DLGAP1: variants seen among roughly 807,000 people sequenced by gnomAD.
The protein encoded by DLGAP1 is DLG associated protein 1, also known as disks large-associated protein 1.
In DLGAP1, 11 loss-of-function variants were observed where a neutral mutation model predicts 90.8. That is an observed-to-expected ratio of 0.12 (90% CI 0.08 to 0.20). DLGAP1 has a LOEUF of 0.20. Ranked by LOEUF, DLGAP1 falls within the 10% of genes least tolerant of loss-of-function variation. The pLI is 1.00. For missense variants in DLGAP1, 1,050 were observed against 1,333.8 expected (o/e 0.79, Z 3.31); for synonymous variants, 558 against 540.7 (o/e 1.03, Z -0.44).
chr18:3,705,575 A>T (rs72860427), intron 7 of DLGAP1, among the ~76,000 whole-genome samples: 22,195 of 151,534 alleles, frequency 0.15, 2,088 homozygotes, highest in East Asian at 0.42. Context: ...AGGGCCCAGG[A>T]CTTAAACACA....
chr18:4,091,671 T>C (rs2075774677), intron 2 of DLGAP1, among the ~76,000 whole-genome samples: 1 of 152,220 alleles, frequency 6.6e-6, no homozygotes, highest in African/African-American at 2.4e-5. Flanking sequence ...TCAAGGACAC[T>C]GTTCATGTTT....
intron 7 of DLGAP1, among the ~76,000 whole-genome samples, chr18:3,670,937 T>C (rs2060066230): frequency 6.6e-6 from 1 of 152,262 alleles, no homozygotes; most frequent in South Asian, 2.1e-4. Flanking sequence ...TGGCCCTTGA[T>C]TGAAACTGCT....
intron 3 of DLGAP1, among the ~76,000 whole-genome samples, chr18:3,935,088 C>A (rs1465995110): frequency 6.6e-6 from 1 of 152,208 alleles, no homozygotes; most frequent in East Asian, 1.9e-4. Context: ...ACTGGCCTGG[C>A]ATAGGCAAAT....
chr18:3,736,992 C>A (rs1243101959), intron 6 of DLGAP1, among the ~76,000 whole-genome samples: 8 of 148,792 alleles, frequency 5.4e-5, no homozygotes, highest in Non-Finnish European at 8.9e-5. Context: ...ACTACAAACA[C>A]CTCTACGCAA....
At chr18:4,216,226 A>G (rs2077951850) in intron 1 of DLGAP1, among the ~76,000 whole-genome samples, 1 of 151,772 alleles carries the variant, frequency 6.6e-6, no homozygotes, top group South Asian at 2.1e-4. Context: ...AGACCATCAG[A>G]TCTTGTGAGA....
At chr18:3,682,116 C>CAAAAAAAA (rs56914443) in intron 7 of DLGAP1, among the ~76,000 whole-genome samples, 10 of 111,944 alleles carry the variant, frequency 8.9e-5, no homozygotes, top group East Asian at 2.8e-4. Context: ...GACCCTGTCT[C>CAAAAAAAA]AAAAAAAAAA....
chr18:3,923,225 G>T (rs1163890213), intron 3 of DLGAP1, among the ~76,000 whole-genome samples: 1 of 151,398 alleles, frequency 6.6e-6, no homozygotes, highest in Non-Finnish European at 1.5e-5. Context: ...GAAGAACAGG[G>T]TCTTCTCCAG....
Position 4,340,304 on chromosome 18 carries a change from T to C in DLGAP1, c.-267+114702A>G, listed in dbSNP as rs144875998. Among the ~76,000 whole-genome samples the C allele has an allele frequency of 9.9e-5, 15 of 152,238 alleles. No individual in the cohort carries two copies. In the East Asian group the frequency reaches 2.3e-3, roughly 23 times the overall value. On this transcript the variant is annotated intron_variant, in intron 1 of 12. Transcript: ENST00000315677. ...GTGTAGACCCTGTGAAGATGCTACA[T>C]GTGAGGATGATTCACATCCCAGAAG... is the stretch of plus-strand genomic sequence containing the variant.
intron 1 of DLGAP1, among the ~76,000 whole-genome samples, chr18:4,446,019 T>C (rs1217007452): frequency 6.6e-6 from 1 of 152,006 alleles, no homozygotes; most frequent in East Asian, 1.9e-4. Context: ...CTGTTAACAA[T>C]TCATCAAGTA....
chr18:3,614,840 ACT>A (rs970419110), intron 7 of DLGAP1, among the ~76,000 whole-genome samples: 4 of 127,200 alleles, frequency 3.1e-5, no homozygotes, highest in Admixed American at 1.6e-4. Context: ...CAAGAGTGAA[ACT>A]CTGTCTCAAG....
intron 9 of DLGAP1, among the ~76,000 whole-genome samples, chr18:3,549,858 A>C (rs1421577952): frequency 6.6e-6 from 1 of 152,122 alleles, no homozygotes; most frequent in East Asian, 1.9e-4. Flanking sequence ...CTAGTATCTT[A>C]GTATGTGACT....
At chr18:4,265,258 T>A (rs2079085666) in intron 1 of DLGAP1, among the ~76,000 whole-genome samples, 1 of 151,700 alleles carries the variant, frequency 6.6e-6, no homozygotes, top group South Asian at 2.1e-4. Context: ...AAGCTTCACC[T>A]CCCAGGTTCA....
chr18:3,902,967 C>T (rs1169014930), intron 3 of DLGAP1, among the ~76,000 whole-genome samples: 1 of 152,026 alleles, frequency 6.6e-6, no homozygotes, highest in Non-Finnish European at 1.5e-5. Context: ...CTCTTAATTC[C>T]AGCTGAGAGT....
At chr18:4,265,645 C>G (rs1247500669) in intron 1 of DLGAP1, among the ~76,000 whole-genome samples, 1 of 39,582 alleles carries the variant, frequency 2.5e-5, no homozygotes, top group Non-Finnish European at 4.0e-5. Flanking sequence ...CTCCCCTTCC[C>G]TCCCTCCCTC....
chr18:4,073,866 T>C (rs1363501623), intron 2 of DLGAP1, among the ~76,000 whole-genome samples: 1 of 152,126 alleles, frequency 6.6e-6, no homozygotes, highest in Non-Finnish European at 1.5e-5. Context: ...ACTCTGATAA[T>C]TTAAATACCA....
chr18:3,926,705 C>T (rs529815673), intron 3 of DLGAP1, among the ~76,000 whole-genome samples: 23 of 151,898 alleles, frequency 1.5e-4, no homozygotes, highest in Non-Finnish European at 2.6e-4. Context: ...TATGTATATA[C>T]GTACATATTC....
Position 3,738,107 on chromosome 18 carries a change from G to A in DLGAP1, c.1350+4228C>T, listed in dbSNP as rs923399528. On this transcript the variant is annotated intron_variant, in intron 6 of 12. Coordinates refer to ENST00000315677, the MANE Select transcript of DLGAP1 (RefSeq NM_004746.4). ...TCTTCAAGAAGAACTACAAACCACT[G>A]CTCAATGAAATAAAAGAGGATACAA... Among the ~76,000 whole-genome samples, 207 of 151,870 alleles carry A rather than the reference G, an allele frequency of 1.4e-3. 2 individuals are homozygous for A. The highest frequency in any genetic ancestry group is 4.9e-3 in the African/African-American group (200 of 41,224).
rs1468493296 is a variant in DLGAP1, at chr18:3,517,594, G to A, written c.2480-8933C>T. ...GCACTTTGGGAGGCTGAGGCGGGTGGGTTACCTGAGGTCAGGAGGTCGAGA... is the reference window on the plus strand; with the variant it reads ...GCACTTTGGGAGGCTGAGGCGGGTGAGTTACCTGAGGTCAGGAGGTCGAGA... On this transcript the variant is annotated intron_variant, in intron 10 of 12. Transcript: ENST00000315677. The surrounding 1 kb of genome is among the most constrained non-coding windows in gnomAD (Gnocchi z 4.1). Among the ~76,000 whole-genome samples, 1 of 152,024 alleles carries A rather than the reference G, an allele frequency of 6.6e-6. No homozygotes were observed. Among genetic ancestry groups the A allele is most frequent in the Non-Finnish European group, 1.5e-5 (1 of 68,016 alleles).
chr18:3,903,399 T>G (rs2071827607), intron 3 of DLGAP1, among the ~76,000 whole-genome samples: 1 of 152,214 alleles, frequency 6.6e-6, no homozygotes, highest in South Asian at 2.1e-4. Flanking sequence ...TATTTGTAAT[T>G]AAGTCCAAAT....
Sources: allele counts gnomAD v4.1 joint callset (sites outside exome capture counted in the v4.1 genomes callset), GRCh38; gene constraint gnomAD v4.1.1; non-coding constraint Gnocchi (gnomAD v3.1); transcripts MANE v1.5; gene names NCBI Gene and HGNC (gene_info 2026-07-23, HGNC 2026-07-21).